The following RGS6 variants were observed in gnomAD, a reference collection of about 807,000 sequenced individuals.
RGS6 encodes the protein regulator of G-protein signaling 6.
In RGS6, 30 loss-of-function variants were observed where a neutral mutation model predicts 78.5. That is an observed-to-expected ratio of 0.38 (90% confidence interval 0.29 to 0.52). RGS6 has a LOEUF of 0.52. Among genes scored for constraint, RGS6 ranks in the 20% least tolerant of loss-of-function variants. The pLI is 0.85. For missense variants in RGS6, 495 were observed against 609.7 expected, an observed-to-expected ratio of 0.81 and a Z score of 1.98; for synonymous variants, 206 against 206.0, an observed-to-expected ratio of 1.00 and a Z score of 0.00.
intron 2 of RGS6, among the ~76,000 whole-genome samples, chr14:72,151,157 A>G (rs1466799439): frequency 1.3e-5 from 2 of 152,178 alleles, no homozygotes; most frequent in Non-Finnish European, 1.5e-5. Context: ...ATGCCTAACA[A>G]AGTCCATTCA....
At chr14:72,364,373 A>G (rs866966177) in intron 3 of RGS6, among the ~76,000 whole-genome samples, 3 of 152,192 alleles carry the variant, frequency 2.0e-5, no homozygotes, top group Non-Finnish European at 2.9e-5. Context: ...GCATTAATAC[A>G]TGGCCACCCT....
At chr14:71,945,804 T>A (rs2152975025) in intron 1 of RGS6, among the ~76,000 whole-genome samples, 1 of 152,342 alleles carries the variant, frequency 6.6e-6, no homozygotes, top group Admixed American at 6.5e-5. Flanking sequence ...CAAATTTTAA[T>A]TCATTTAAAA....
intron 10 of RGS6, among the ~76,000 whole-genome samples, chr14:72,475,826 A>ACACG (rs1482244693): frequency 5.9e-5 from 5 of 84,118 alleles, no homozygotes; most frequent in Non-Finnish European, 9.0e-5. Context: ...AAAAAAAAAT[A>ACACG]CACGCACACA....
At chr14:72,322,048 T>C (rs558349856) in intron 2 of RGS6, among the ~76,000 whole-genome samples, 73 of 152,102 alleles carry the variant, frequency 4.8e-4, no homozygotes, top group Non-Finnish European at 8.8e-4. Context: ...ACATTACATA[T>C]CCTATGGGCT....
intron 2 of RGS6, among the ~76,000 whole-genome samples, chr14:72,295,027 C>G (rs1444213957): frequency 6.6e-6 from 1 of 152,256 alleles, no homozygotes; most frequent in Middle Eastern, 3.4e-3. Flanking sequence ...CGCGGTGGCT[C>G]ACGCCTGTAA....
intron 3 of RGS6, among the ~76,000 whole-genome samples, chr14:72,354,067 C>A (rs1299461062): frequency 6.6e-6 from 1 of 152,032 alleles, no homozygotes; most frequent in Non-Finnish European, 1.5e-5. Flanking sequence ...GTATATTAAC[C>A]TAAAAAATAA....
intron 3 of RGS6, among the ~76,000 whole-genome samples, chr14:72,406,470 A>G (rs1238466454): frequency 6.6e-6 from 1 of 152,212 alleles, no homozygotes; most frequent in Non-Finnish European, 1.5e-5. Flanking sequence ...AAAACAGGCA[A>G]AGGCAGTCGT....
intron 2 of RGS6, among the ~76,000 whole-genome samples, chr14:72,226,841 A>G (rs1005844542): frequency 3.3e-5 from 5 of 152,156 alleles, no homozygotes; most frequent in Non-Finnish European, 7.4e-5. Context: ...GCATTCCACC[A>G]TGCCTGGCTA....
At chr14:71,986,666 G>T (rs749268301) in intron 2 of RGS6, among the ~76,000 whole-genome samples, 1 of 152,118 alleles carries the variant, frequency 6.6e-6, no homozygotes, top group African/African-American at 2.4e-5. Context: ...AGCCATGATC[G>T]TGCCACCGCA....
chr14:71,912,543 G>A, the RGS6 span, among the ~76,000 whole-genome samples: 2 of 152,266 alleles, frequency 1.3e-5, no homozygotes, highest in East Asian at 3.9e-4. Flanking sequence ...GGGGAGGATG[G>A]CTGATGGCTG....
chr14:71,975,834 G>A (rs1168744501), intron 2 of RGS6, among the ~76,000 whole-genome samples: 3 of 152,216 alleles, frequency 2.0e-5, no homozygotes, highest in East Asian at 1.9e-4. Context: ...TCTTGGGATT[G>A]TGTTCATATG....
intron 2 of RGS6, among the ~76,000 whole-genome samples, chr14:71,988,754 C>T (rs150074622): frequency 2.8e-4 from 42 of 152,078 alleles, no homozygotes; most frequent in Non-Finnish European, 5.0e-4. Context: ...GGAACCAAGA[C>T]CCAGTGATTC....
At chr14:72,268,233 A>AT (rs2059378468) in intron 2 of RGS6, among the ~76,000 whole-genome samples, 1 of 152,152 alleles carries the variant, frequency 6.6e-6, no homozygotes, top group South Asian at 2.1e-4. Context: ...CGGGTCCCTC[A>AT]TGAGGCCCTC....
upstream of RGS6, among the ~76,000 whole-genome samples, chr14:71,927,541 T>C (rs577319835): frequency 6.6e-6 from 1 of 152,332 alleles, no homozygotes; most frequent in Non-Finnish European, 1.5e-5. Context: ...GGGCATTCTA[T>C]GAAGGAAGGG....
At chr14:72,415,106 G>A (rs1269775943) in intron 3 of RGS6, among the ~76,000 whole-genome samples, 1 of 152,240 alleles carries the variant, frequency 6.6e-6, no homozygotes, top group East Asian at 1.9e-4. Flanking sequence ...GGTTACTGCT[G>A]CCTTTTGTTT....
intron 1 of RGS6, among the ~76,000 whole-genome samples, chr14:71,962,623 C>G (rs1050908952): frequency 6.6e-6 from 1 of 152,102 alleles, no homozygotes; most frequent in African/African-American, 2.4e-5. Context: ...CCATGTAGTA[C>G]TATATTCATA....
At chr14:72,567,982 G>A (rs1282018965), downstream of RGS6, among the ~76,000 whole-genome samples, 3 of 152,190 alleles carry the variant, frequency 2.0e-5, no homozygotes, top group Non-Finnish European at 1.5e-5. Flanking sequence ...AGGGCCCCCT[G>A]GCCAAAAAGA....
chr14:72,540,563 G>T, intron 17 of RGS6: 1 of 1,550,300 alleles, frequency 6.5e-7, no homozygotes, highest in South Asian at 1.1e-5. Context: ...GCGAGCTAAT[G>T]TTGCTGTGTA....
intron 14 of RGS6, among the ~76,000 whole-genome samples, chr14:72,511,185 T>G (rs2096874106): frequency 6.6e-6 from 1 of 152,236 alleles, no homozygotes; most frequent in Non-Finnish European, 1.5e-5. Flanking sequence ...TTCTTTTTTC[T>G]TTGTACCAGA....
Sources: allele counts gnomAD v4.1 joint callset (sites outside exome capture counted in the v4.1 genomes callset), GRCh38; gene constraint gnomAD v4.1.1; transcripts MANE v1.5; gene names NCBI Gene and HGNC (gene_info 2026-07-23, HGNC 2026-07-21).